NDUFV3: variants seen among roughly 807,000 people sequenced by gnomAD.
NDUFV3 encodes the protein NADH:ubiquinone oxidoreductase subunit V3, also known as NADH dehydrogenase [ubiquinone] flavoprotein 3, mitochondrial.
Under a neutral mutation model 37.5 loss-of-function variants are expected in NDUFV3, and 44 were observed. The observed-to-expected ratio is 1.17, with a 90% CI of 0.92 to 1.51. The LOEUF (loss-of-function observed/expected upper bound fraction) is 1.51. Ranked by LOEUF, NDUFV3 falls within the 40% of genes most tolerant of loss-of-function variation. The pLI, the probability that NDUFV3 is intolerant of heterozygous loss-of-function variation, is 0.00. For missense variants in NDUFV3, 580 were observed against 580.4 expected (o/e 1.00, Z 0.01); for synonymous variants, 235 against 239.3 (o/e 0.98, Z 0.17).
intron 2 of NDUFV3, 34 bp from the exon 3 acceptor site, chr21:42,903,148 G>C: frequency 6.2e-7 from 1 of 1,613,680 alleles, no homozygotes; most frequent in Non-Finnish European, 8.5e-7. Flanking sequence ...AAGTTGTTTT[G>C]TTAAATAACA....
intron 2 of NDUFV3, among the ~76,000 whole-genome samples, chr21:42,900,614 T>C (rs561809592): frequency 3.3e-5 from 5 of 152,332 alleles, no homozygotes; most frequent in African/African-American, 1.2e-4. Flanking sequence ...AAGTGTAAGA[T>C]ACAGAGGAAC....
At chr21:42,899,856 C>T (rs1048572848) in intron 2 of NDUFV3, among the ~76,000 whole-genome samples, 1 of 152,150 alleles carries the variant, frequency 6.6e-6, no homozygotes. Flanking sequence ...GCTGGGATTA[C>T]AGGCATGAGC....
At chr21:42,895,652 C>T (rs1463472836) in intron 1 of NDUFV3, among the ~76,000 whole-genome samples, 1 of 92,332 alleles carries the variant, frequency 1.1e-5, no homozygotes, top group African/African-American at 4.2e-5. Context: ...ACCCTGTCTC[C>T]AAAAAAAAAA....
At chr21:42,902,866 C>T (rs1288102274) in intron 2 of NDUFV3, among the ~76,000 whole-genome samples, 1 of 152,160 alleles carries the variant, frequency 6.6e-6, no homozygotes, top group Non-Finnish European at 1.5e-5. Flanking sequence ...TAAGTACATC[C>T]TCCTGTATAC....
chr21:42,896,969 A>G lies in NDUFV3; in HGVS notation c.91A>G (p.Thr31Ala), dbSNP rs376785531. Residue 31 changes from threonine (T) to alanine (A), a missense_variant, in exon 2 of 4, where the codon ACG becomes GCG. Transcript: ENST00000354250. ...EAQVFRGLASTVSLSAESGKS... is the reference protein window; with the variant it reads ...EAQVFRGLASAVSLSAESGKS... ...CCAGGTGTTTCGAGGACTTGCTTCT[A>G]CGGTTTCTTTGTCTGCGGAATCAGG... 4.3e-6 allele frequency: 7 copies of G among 1,613,890 alleles called. No homozygotes were observed. In the Admixed American group the frequency reaches 5.0e-5, roughly 12 times the overall value.
chr21:42,893,497 G>C, intron 1 of NDUFV3, 116 bp downstream of exon 1: 1 of 1,229,822 alleles, frequency 8.1e-7, no homozygotes, highest in South Asian at 1.3e-5. Flanking sequence ...AGCCGTCCTA[G>C]TTGGGCCGCT....
chr21:42,909,615 C>G lies in NDUFV3; in HGVS notation c.*594C>G, dbSNP rs1404403386. The G allele has an allele frequency of 6.2e-6, 1 of 161,744 alleles. No individual in the cohort carries two copies. Among genetic ancestry groups the G allele is most frequent in the South Asian group, 1.6e-4 (1 of 6,280 alleles). The allele number at this position is 161,744 out of a possible 1,614,324, so 10.0% of individuals were successfully genotyped here. A position where few individuals can be genotyped will look rare whatever the true frequency, so the allele number is the denominator to read the frequency against. On this transcript the variant is annotated 3_prime_UTR_variant, in exon 4 of 4. Coordinates refer to ENST00000354250, the MANE Select transcript of NDUFV3 (RefSeq NM_021075.4). ...TTAAGTGCTTTAGAGCGGTGTGATT[C>G]TACTGTGCTCAGCCTAGTCAATTTC...
At chr21:42,895,745 G>A (rs987269108) in intron 1 of NDUFV3, among the ~76,000 whole-genome samples, 8 of 151,882 alleles carry the variant, frequency 5.3e-5, no homozygotes, top group Non-Finnish European at 7.4e-5. Flanking sequence ...ACTGGAGAAC[G>A]TCTGGTTGAA....
At chr21:42,897,153 T>C (rs932851907) in intron 2 of NDUFV3, 106 bp downstream of exon 2, 6 of 1,299,722 alleles carry the variant, frequency 4.6e-6, no homozygotes, top group Non-Finnish European at 6.5e-6. Context: ...TAATTTATGC[T>C]TCTTCCTTTT....
intron 2 of NDUFV3, among the ~76,000 whole-genome samples, chr21:42,899,124 G>A (rs1390600508): frequency 6.6e-6 from 1 of 152,168 alleles, no homozygotes; most frequent in African/African-American, 2.4e-5. Flanking sequence ...GTTCCTTTGT[G>A]CTTAAGCAGG....
At chr21:42,900,277 C>T (rs757406990) in intron 2 of NDUFV3, among the ~76,000 whole-genome samples, 4 of 151,982 alleles carry the variant, frequency 2.6e-5, no homozygotes, top group African/African-American at 4.8e-5. Context: ...CAAGGCGGGC[C>T]GATCACTTGA....
In NDUFV3 at chr21:42,904,290, C is replaced by T. The variant is rs1288625866; in HGVS notation, c.1264+14C>T. 2.5e-6 allele frequency: 4 copies of T among 1,577,264 alleles called. No individual in the cohort carries two copies. The highest frequency in any genetic ancestry group is 1.3e-5 in the African/African-American group (1 of 74,198). On this transcript the variant is annotated intron_variant, in intron 3 of 3. Coordinates refer to ENST00000354250, the MANE Select transcript of NDUFV3 (RefSeq NM_021075.4). ...GCGGCACACAGGGTATACCTTGACTCGCGCTCCCAAGTGCACCCTGTCCCT... is the reference window on the plus strand; with the variant it reads ...GCGGCACACAGGGTATACCTTGACTTGCGCTCCCAAGTGCACCCTGTCCCT...
chr21:42,898,259 CATT>C (rs2058702937), intron 2 of NDUFV3, among the ~76,000 whole-genome samples: 1 of 152,066 alleles, frequency 6.6e-6, no homozygotes, highest in Non-Finnish European at 1.5e-5. Flanking sequence ...GTTTTTCAAT[CATT>C]GTTTTTTTCT....
At position 42,903,606 on chromosome 21, in the gene NDUFV3, C is replaced by CT. The variant is rs756047879; in HGVS notation, c.594_595insT (p.Pro199SerfsTer22). The CT allele has an allele frequency of 3.1e-6, 5 of 1,613,882 alleles. No individual in the cohort carries two copies. The highest frequency in any genetic ancestry group is 2.5e-6 in the Non-Finnish European group (3 of 1,180,008). ...CCTCTCATTCCTTTGAAAACAGAGC[C>CT]CCCCGAGTTACAGTATCAGCAAAAG... is the stretch of plus-strand genomic sequence containing the variant. On this transcript the variant is annotated frameshift_variant, in exon 3 of 4. Coordinates refer to ENST00000354250, the MANE Select transcript of NDUFV3 (RefSeq NM_021075.4). LOFTEE classifies it high-confidence loss of function.
In NDUFV3 at chr21:42,911,317, C is replaced by T. The variant is rs2058769926; in HGVS notation, c.*2296C>T. The T allele has an allele frequency of 6.6e-6, 1 of 151,832 alleles. No individual in the cohort carries two copies. Among genetic ancestry groups the T allele is most frequent in the Admixed American group, 6.6e-5 (1 of 15,230 alleles). The allele number at this position is 151,832 out of a possible 1,614,324, so 9.4% of individuals were successfully genotyped here. ...TCATCTGCCTCAAATTGTGTTACCACACGGGAGACTTAGCAACTCAGCCAG... is the reference window on the plus strand; with the variant it reads ...TCATCTGCCTCAAATTGTGTTACCATACGGGAGACTTAGCAACTCAGCCAG... On this transcript the variant is annotated 3_prime_UTR_variant, in exon 4 of 4. Coordinates refer to ENST00000354250, the MANE Select transcript of NDUFV3 (RefSeq NM_021075.4).
intron 2 of NDUFV3, among the ~76,000 whole-genome samples, chr21:42,901,269 A>T (rs2058716769): frequency 6.6e-6 from 1 of 151,726 alleles, no homozygotes; most frequent in Non-Finnish European, 1.5e-5. Context: ...GAAAACCTGT[A>T]TCTACTAAAA....
intron 3 of NDUFV3, among the ~76,000 whole-genome samples, chr21:42,908,465 G>A (rs1394438821): frequency 6.6e-6 from 1 of 152,196 alleles, no homozygotes; most frequent in Non-Finnish European, 1.5e-5. Flanking sequence ...AGATAGGGTT[G>A]ATGAAGAACG....
chr21:42,910,812 C>A lies in NDUFV3; in HGVS notation c.*1791C>A, dbSNP rs1182174299. ...TAGGGTTTCTGGGTTGGCCAAGTAA[C>A]CTCCCATCCCTTGTGATAGATAACT... On this transcript the variant is annotated 3_prime_UTR_variant, in exon 4 of 4. Transcript: ENST00000354250. 1 of 153,950 alleles carries A rather than the reference C, an allele frequency of 6.5e-6. No individual in the cohort carries two copies. Among genetic ancestry groups the A allele is most frequent in the Non-Finnish European group, 1.5e-5 (1 of 68,924 alleles). 9.5% of individuals were successfully genotyped at this position (153,950 alleles called of 1,614,324 possible).
chr21:42,903,254 C>T lies in NDUFV3; in HGVS notation c.242C>T (p.Ser81Phe). 6.2e-7 allele frequency: 1 copy of T among 1,614,170 alleles called. No homozygotes were observed. The highest frequency in any genetic ancestry group is 8.5e-7 in the Non-Finnish European group (1 of 1,180,026). Residue 81 changes from serine (S) to phenylalanine (F), a missense_variant, in exon 3 of 4, where the codon TCT becomes TTT. Ser to Phe is a radical substitution (Grantham distance 155). Transcript: ENST00000354250. ...QTAAELSKNL[S>F]SPSSYPPAVN... ...GCAGCTGAATTGTCTAAAAACTTAT[C>T]TTCACCCAGTTCTTACCCGCCAGCT...
Sources: allele counts gnomAD v4.1 joint callset (sites outside exome capture counted in the v4.1 genomes callset), GRCh38; gene constraint gnomAD v4.1.1; transcripts MANE v1.5; gene names NCBI Gene and HGNC (gene_info 2026-07-23, HGNC 2026-07-21).